LYG2: variants seen among roughly 807,000 people sequenced by gnomAD.
LYG2 encodes the protein lysozyme g-like protein 2.
A neutral mutation model predicts 22.4 loss-of-function variants in LYG2; 25 were observed. The ratio of observed to expected loss-of-function variants is 1.12; its 90% CI spans 0.81 to 1.56. The LOEUF is 1.56. Among genes scored for constraint, LYG2 ranks in the 40% most tolerant of loss-of-function variants. LYG2 has a pLI of 0.00. For synonymous variants in LYG2, 88 were observed against 97.0 expected, an observed-to-expected ratio of 0.91 and a Z score of 0.55; for missense variants, 266 against 269.5, an observed-to-expected ratio of 0.99 and a Z score of 0.09.
the LYG2 span, among the ~76,000 whole-genome samples, chr2:99,261,149 G>A: frequency 1.3e-5 from 2 of 148,918 alleles, no homozygotes; most frequent in Admixed American, 1.3e-4. Context: ...AGTGGTCCAG[G>A]GCTGAGGTGC....
upstream of LYG2, among the ~76,000 whole-genome samples, chr2:99,259,029 C>T (rs2094042189): frequency 6.6e-6 from 1 of 152,048 alleles, no homozygotes. Context: ...TCTAAAAAGG[C>T]TAAAACCAAA....
intron 3 of LYG2, among the ~76,000 whole-genome samples, chr2:99,252,713 G>C (rs574808600): frequency 6.6e-5 from 10 of 152,036 alleles, no homozygotes; most frequent in Non-Finnish European, 1.0e-4. Context: ...GTGGCCCACA[G>C]ACCACAGGCA....
chr2:99,249,761 CAAAAAAAAAAAAA>C (rs70940156), intron 3 of LYG2, among the ~76,000 whole-genome samples: 1 of 65,296 alleles, frequency 1.5e-5, no homozygotes, highest in African/African-American at 5.7e-5. Context: ...AACTCTGTCT[CAAAAAAAAAAAAA>C]AAAAAAAAAA....
intron 2 of LYG2, 108 bp from the exon 3 acceptor site, chr2:99,254,393 C>T (rs2094032300): frequency 1.3e-6 from 1 of 769,356 alleles, no homozygotes; most frequent in Non-Finnish European, 2.1e-6. Flanking sequence ...CAATTCACTA[C>T]TCATTTCCCT....
intron 3 of LYG2, among the ~76,000 whole-genome samples, chr2:99,252,690 C>A (rs144661994): frequency 1.4e-3 from 210 of 152,220 alleles, no homozygotes; most frequent in Non-Finnish European, 2.4e-3. Context: ...GCAGTCTTTG[C>A]CAGGCTCACT....
chr2:99,253,048 CAAAAAAAAAA>C (rs35859472), intron 3 of LYG2, among the ~76,000 whole-genome samples: 6 of 67,284 alleles, frequency 8.9e-5, no homozygotes, highest in Non-Finnish European at 1.7e-4. Context: ...GACTCTGTCT[CAAAAAAAAAA>C]AAAAAAAAAA....
chr2:99,245,217 G>A (rs1157398550), intron 5 of LYG2, 45 bp downstream of exon 5: 1 of 1,503,382 alleles, frequency 6.7e-7, no homozygotes, highest in Admixed American at 2.0e-5. Flanking sequence ...GAGCTTCTGT[G>A]AGGAGGGATG....
At chr2:99,250,414 G>A (rs10198056) in intron 3 of LYG2, among the ~76,000 whole-genome samples, 47,542 of 138,076 alleles carry the variant, frequency 0.34, 7,975 homozygotes, top group Admixed American at 0.44. Context: ...TTGCTCTGTC[G>A]CCCAGGCTGC....
At chr2:99,258,666 C>T (rs1163717904), upstream of LYG2, among the ~76,000 whole-genome samples, 1 of 152,194 alleles carries the variant, frequency 6.6e-6, no homozygotes, top group Admixed American at 6.5e-5. Flanking sequence ...GAATATGTGG[C>T]AAAGGTACTT....
At chr2:99,248,282 C>T (rs370565942) in intron 3 of LYG2, among the ~76,000 whole-genome samples, 15 of 152,188 alleles carry the variant, frequency 9.9e-5, no homozygotes, top group African/African-American at 2.2e-4. Context: ...CACATGCACA[C>T]GTATGTTTAT....
chr2:99,242,317 C>T lies in LYG2; in HGVS notation c.*47G>A, dbSNP rs757651472. ...CACATTCACGTAAAACTCTCAAAGG[C>T]GGCCATCTGAGCACTCTGCCAACCT... is the stretch of plus-strand genomic sequence containing the variant. On this transcript the variant is annotated 3_prime_UTR_variant, in exon 7 of 7. Coordinates refer to ENST00000333017, the MANE Select transcript of LYG2 (RefSeq NM_175735.4). The T allele has an allele frequency of 1.8e-5, 19 of 1,031,086 alleles. 1 individual carries two copies. Among genetic ancestry groups the T allele is most frequent in the Admixed American group, 6.2e-5 (3 of 48,514 alleles). 63.9% of individuals were successfully genotyped at this position (1,031,086 alleles called of 1,614,324 possible).
At chr2:99,260,187 T>G (rs1165692865), upstream of LYG2, among the ~76,000 whole-genome samples, 1 of 152,126 alleles carries the variant, frequency 6.6e-6, no homozygotes, top group Non-Finnish European at 1.5e-5. Context: ...GGTCTCAAAC[T>G]CCTGGCCTCA....
At chr2:99,258,046 C>T (rs2094039537), upstream of LYG2, among the ~76,000 whole-genome samples, 1 of 152,176 alleles carries the variant, frequency 6.6e-6, no homozygotes, top group Admixed American at 6.5e-5. Flanking sequence ...CTCAGGCTCC[C>T]TTGGTCCCCT....
rs2094016678 is a variant in LYG2, at chr2:99,246,759, C to T, written c.105G>A (p.Leu35=). 6.2e-7 allele frequency: 1 copy of T among 1,614,026 alleles called. No homozygotes were observed. The highest frequency in any genetic ancestry group is 1.3e-5 in the African/African-American group (1 of 74,914). The change falls in exon 4 of 7, where the codon CTG becomes CTA. Residue 35 remains leucine, a synonymous_variant. Coordinates refer to ENST00000333017, the MANE Select transcript of LYG2 (RefSeq NM_175735.4). ...HSMKPHLHPR[L]YHGCYGDIMT... is the part of the protein sequence containing the mutation. ...TGATGTCCCCATAGCAGCCGTGGTA[C>T]AGGCGTGGATGTAGGTGAGGCTTCA...
rs190849283 is a variant in LYG2 at position 99,250,617 on chromosome 2, G to A, written c.43+3601C>T. ...TCTCGATCTGCTGACCTTGTGATCC[G>A]CCCACCTTGGCCTCCCAAAGTGCTG... On this transcript the variant is annotated intron_variant, in intron 3 of 6. Transcript: ENST00000333017. Among the ~76,000 whole-genome samples the A allele has an allele frequency of 8.3e-3, 1,265 of 152,178 alleles. 8 individuals are homozygous for A. Among genetic ancestry groups the A allele is most frequent in the Admixed American group, 0.013 (206 of 15,288 alleles).
upstream of LYG2, among the ~76,000 whole-genome samples, chr2:99,257,565 G>C: frequency 6.6e-6 from 1 of 152,174 alleles, no homozygotes; most frequent in East Asian, 1.9e-4. Context: ...TTTCCAGGAG[G>C]GGCTTGAAGG....
chr2:99,246,651 GC>G lies in LYG2; in HGVS notation c.184+28del, dbSNP rs1209718955. 3.1e-6 allele frequency: 5 copies of G among 1,602,876 alleles called. No individual in the cohort carries two copies. The South Asian group carries it at 5.6e-5, about 18-fold the overall frequency. On this transcript the variant is annotated intron_variant, in intron 4 of 6. Coordinates refer to ENST00000333017, the MANE Select transcript of LYG2 (RefSeq NM_175735.4). ...AATCTGAAAACGATGAAAGGGGGAA[GC>G]CAGTCATTTGCTCTGCTTTTCACTT... is the stretch of plus-strand genomic sequence containing the variant.
upstream of LYG2, among the ~76,000 whole-genome samples, chr2:99,258,816 A>G (rs1453086644): frequency 3.9e-5 from 6 of 152,200 alleles, no homozygotes; most frequent in Non-Finnish European, 1.5e-5. Flanking sequence ...AATCTACTAT[A>G]TGATAGGTAA....
At chr2:99,246,560 T>A (rs1430088562) in intron 4 of LYG2, 120 bp downstream of exon 4, 22 of 1,230,548 alleles carry the variant, frequency 1.8e-5, no homozygotes, top group Admixed American at 5.0e-5. Context: ...TGCTCATTTT[T>A]AATTTTGATA....
Sources: allele counts gnomAD v4.1 joint callset (sites outside exome capture counted in the v4.1 genomes callset), GRCh38; gene constraint gnomAD v4.1.1; transcripts MANE v1.5; gene names NCBI Gene and HGNC (gene_info 2026-07-23, HGNC 2026-07-21).